ODAD2: variants seen among roughly 807,000 people sequenced by gnomAD.
The protein encoded by ODAD2 is outer dynein arm docking complex subunit 2.
ODAD2 carries 89 observed loss-of-function variants against 106.8 expected under a neutral mutation model. The observed-to-expected ratio is 0.83, with a 90% confidence interval of 0.70 to 0.99. ODAD2 has a LOEUF of 0.99. Ranked by LOEUF, ODAD2 falls within the 50% of genes least tolerant of loss-of-function variation. The pLI is 0.00. For synonymous variants in ODAD2, 404 were observed against 436.2 expected (o/e 0.93, Z 0.92); for missense variants, 1,168 against 1,238.5 (o/e 0.94, Z 0.85).
At chr10:27,816,185 T>C (rs1385299276) in intron 19 of ODAD2, among the ~76,000 whole-genome samples, 1 of 152,180 alleles carries the variant, frequency 6.6e-6, no homozygotes, top group African/African-American at 2.4e-5. Flanking sequence ...TACTTCCCAC[T>C]GTCCCTGCAC....
At chr10:27,862,398 C>T in intron 18 of ODAD2, 36 bp downstream of exon 18, 9 of 1,526,692 alleles carry the variant, frequency 5.9e-6, no homozygotes, top group Non-Finnish European at 8.1e-6. Flanking sequence ...TATCTCAGGA[C>T]AATATGCATG....
intron 17 of ODAD2, among the ~76,000 whole-genome samples, chr10:27,884,970 G>A (rs1482023849): frequency 6.6e-6 from 1 of 152,096 alleles, no homozygotes; most frequent in African/African-American, 2.4e-5. Context: ...AAAACTGAGA[G>A]AAGTGGCTGT....
At chr10:27,875,150 C>G (rs184127241) in intron 17 of ODAD2, among the ~76,000 whole-genome samples, 1,994 of 152,282 alleles carry the variant, frequency 0.013, 41 homozygotes, top group African/African-American at 0.045. Context: ...ATTGAATCGG[C>G]TACTAAAGCT....
rs9334541 is a variant in ODAD2, at chr10:27,981,683, C to T, written c.820-101G>A. On this transcript the variant is annotated intron_variant, in intron 6 of 19. Coordinates refer to ENST00000305242, the MANE Select transcript of ODAD2 (RefSeq NM_018076.5). ...TAGCCACACGTATTATTTTCATCTC[C>T]GAAGGATCTATATGGTAGTTTTAAT... 0.14 allele frequency: 116,216 copies of T among 844,816 alleles called. 9,419 individuals carry two copies. The highest frequency in any genetic ancestry group is 0.16 in the Non-Finnish European group (90,255 of 549,620). The allele number at this position is 844,816 out of a possible 1,614,324, so 52.3% of individuals were successfully genotyped here.
intron 9 of ODAD2, among the ~76,000 whole-genome samples, chr10:27,966,223 A>G (rs1322918848): frequency 6.6e-6 from 1 of 152,198 alleles, no homozygotes; most frequent in Non-Finnish European, 1.5e-5. Flanking sequence ...GAATTCAAGC[A>G]TCTGTTCCCA....
chr10:27,983,820 T>TA (rs1849706055), intron 6 of ODAD2, 23 bp downstream of exon 6: 1 of 1,610,790 alleles, frequency 6.2e-7, no homozygotes, highest in South Asian at 1.1e-5. Context: ...TGGCTTTAGT[T>TA]ACGTTTTTAA....
chr10:27,815,205 C>T (rs987769520), intron 19 of ODAD2, among the ~76,000 whole-genome samples: 1 of 152,186 alleles, frequency 6.6e-6, no homozygotes, highest in Non-Finnish European at 1.5e-5. Context: ...TTGTATTCTT[C>T]ATTCATTCTT....
At chr10:27,864,091 AG>A (rs1240768716) in intron 17 of ODAD2, among the ~76,000 whole-genome samples, 2 of 151,980 alleles carry the variant, frequency 1.3e-5, no homozygotes, top group Non-Finnish European at 2.9e-5. Flanking sequence ...AGAATGGTAT[AG>A]GGAACACAGG....
chr10:27,843,528 A>C (rs1365082022), intron 19 of ODAD2, among the ~76,000 whole-genome samples: 1 of 152,172 alleles, frequency 6.6e-6, no homozygotes, highest in Non-Finnish European at 1.5e-5. Context: ...CACTTTGGGA[A>C]GCCAAGGCAG....
chr10:27,930,113 GT>G (rs966366909), intron 16 of ODAD2, among the ~76,000 whole-genome samples: 4 of 151,828 alleles, frequency 2.6e-5, no homozygotes, highest in Non-Finnish European at 1.5e-5. Flanking sequence ...TCCTGACTGT[GT>G]TTTTAGTTGT....
At chr10:27,987,594 TAGA>T (rs2133161814) in intron 2 of ODAD2, 51 bp from the exon 3 acceptor site, 3 of 1,362,698 alleles carry the variant, frequency 2.2e-6, no homozygotes, top group East Asian at 2.4e-5. Context: ...TAGAGGTCAG[TAGA>T]AGTTAAATTT....
At position 27,881,815 on chromosome 10, in the gene ODAD2, C is replaced by T. The variant is rs1247896645; in HGVS notation, c.2611-19193G>A. ...TGTGAGATTCAAAGATAAATAAAAC[C>T]TTGATTAGTGATTCTCAGCCCTGGT... On this transcript the variant is annotated intron_variant, in intron 17 of 19. Transcript: ENST00000305242. Among the ~76,000 whole-genome samples the T allele has an allele frequency of 1.3e-5, 2 of 152,056 alleles. 1 individual carries two copies. Among genetic ancestry groups the T allele is most frequent in the South Asian group, 4.2e-4 (2 of 4,818 alleles).
intron 8 of ODAD2, among the ~76,000 whole-genome samples, chr10:27,969,962 C>T (rs1848730068): frequency 6.6e-6 from 1 of 151,918 alleles, no homozygotes; most frequent in South Asian, 2.1e-4. Flanking sequence ...AAAAATTAGC[C>T]AGCCGTGGTG....
At position 27,880,403 on chromosome 10, in the gene ODAD2, G is replaced by A. The variant is rs113115463; in HGVS notation, c.2611-17781C>T. Reference sequence around the variant, plus strand: ...ATTCCTTTGGGAGGCAGAAAATGTAGTTTTCAAGACAGTGGTTCTCAAATT... The same window carrying A: ...ATTCCTTTGGGAGGCAGAAAATGTAATTTTCAAGACAGTGGTTCTCAAATT... On this transcript the variant is annotated intron_variant, in intron 17 of 19. Transcript: ENST00000305242. Among the ~76,000 whole-genome samples the A allele has an allele frequency of 8.0e-3, 1,218 of 152,288 alleles. 20 individuals are homozygous for A. The highest frequency in any genetic ancestry group is 0.028 in the African/African-American group (1,163 of 41,554).
At chr10:27,910,607 A>T (rs1212561449) in intron 16 of ODAD2, among the ~76,000 whole-genome samples, 1 of 152,026 alleles carries the variant, frequency 6.6e-6, no homozygotes, top group African/African-American at 2.4e-5. Context: ...ACAAAAAAAA[A>T]TTAGCCAGGC....
chr10:27,874,509 T>C (rs886750389), intron 17 of ODAD2, among the ~76,000 whole-genome samples: 1 of 152,174 alleles, frequency 6.6e-6, no homozygotes, highest in Non-Finnish European at 1.5e-5. Flanking sequence ...TTCCTTTCCA[T>C]GTTTAGTGCT....
intron 17 of ODAD2, among the ~76,000 whole-genome samples, chr10:27,865,186 C>T (rs1197278879): frequency 6.6e-6 from 1 of 152,164 alleles, no homozygotes; most frequent in Non-Finnish European, 1.5e-5. Context: ...TCTCCAACCT[C>T]CCCCACATAT....
At chr10:27,985,902 A>G (rs1849848352) in intron 3 of ODAD2, among the ~76,000 whole-genome samples, 1 of 152,068 alleles carries the variant, frequency 6.6e-6, no homozygotes, top group Non-Finnish European at 1.5e-5. Context: ...GAATTTGGTT[A>G]ATGTCAAAAA....
intron 19 of ODAD2, among the ~76,000 whole-genome samples, chr10:27,812,987 T>C (rs1193843837): frequency 6.6e-6 from 1 of 152,176 alleles, no homozygotes; most frequent in Non-Finnish European, 1.5e-5. Context: ...TCCACTTAGG[T>C]TTAATCTCTC....
Sources: allele counts gnomAD v4.1 joint callset (sites outside exome capture counted in the v4.1 genomes callset), GRCh38; gene constraint gnomAD v4.1.1; transcripts MANE v1.5; gene names NCBI Gene and HGNC (gene_info 2026-07-23, HGNC 2026-07-21).